Variants in COL9A3 observed in about 807,000 individuals in gnomAD.
COL9A3 encodes the protein collagen alpha-3(IX) chain.
Under a neutral mutation model 110.2 loss-of-function variants are expected in COL9A3, and 82 were observed. The ratio of observed to expected loss-of-function variants is 0.74; its 90% CI spans 0.62 to 0.89. The LOEUF (loss-of-function observed/expected upper bound fraction) is 0.89. Among genes scored for constraint, COL9A3 ranks in the 40% least tolerant of loss-of-function variants. The pLI is 0.00. For missense variants in COL9A3, 1,066 were observed against 981.3 expected (o/e 1.09, Z -1.15); for synonymous variants, 494 against 403.8 (o/e 1.22, Z -2.68).
intron 28 of COL9A3, 36 bp from the exon 29 acceptor site, chr20:62,836,442 G>T: frequency 6.2e-7 from 1 of 1,613,436 alleles, no homozygotes; most frequent in Non-Finnish European, 8.5e-7. Flanking sequence ...CGAGGCTGCC[G>T]CCCCCATGCT....
chr20:62,838,274 A>G (rs190487294), intron 30 of COL9A3, among the ~76,000 whole-genome samples: 1 of 152,218 alleles, frequency 6.6e-6, no homozygotes, highest in East Asian at 1.9e-4. Flanking sequence ...GGCCTCCTGC[A>G]CCCCTGGGCC....
intron 2 of COL9A3, 40 bp from the exon 3 acceptor site, chr20:62,818,478 C>G (rs1991008594): frequency 6.2e-7 from 1 of 1,603,718 alleles, no homozygotes; most frequent in South Asian, 1.1e-5. Flanking sequence ...TTGAGGGACC[C>G]CTGATTTTCA....
chr20:62,835,931 G>T lies in COL9A3; in HGVS notation c.1379G>T (p.Gly460Val). 6.2e-7 allele frequency: 1 copy of T among 1,614,220 alleles called. No individual in the cohort carries two copies. Among genetic ancestry groups the T allele is most frequent in the Non-Finnish European group, 8.5e-7 (1 of 1,180,046 alleles). ...CTTTTCTCTTCACAGGGTCCCAGCGGCCTGGTCGGACCCAAAGGAGAGGTG... is the reference window on the plus strand; with the variant it reads ...CTTTTCTCTTCACAGGGTCCCAGCGTCCTGGTCGGACCCAAAGGAGAGGTG... ...PGDKGELGPS[G>V]LVGPKGESGS... The change falls in exon 27 of 32, where the codon GGC (glycine) becomes GTC (valine). Residue 460 changes from glycine (G) to valine (V), a missense_variant. Transcript: ENST00000649368.
At chr20:62,839,566 C>CTCGCT (rs138506241) in intron 31 of COL9A3, among the ~76,000 whole-genome samples, 11,032 of 152,002 alleles carry the variant, frequency 0.073, 1,293 homozygotes, top group African/African-American at 0.25. Context: ...CGAGAAGGCA[C>CTCGCT]CCGCTCCCAC....
chr20:62,834,037 C>T lies in COL9A3; in HGVS notation c.1368+973C>T, dbSNP rs544302983. ...TACAGGCGCCTGCCACCACGCCCAG[C>T]TAATGTTTGTATTTTTAGTAGAGAC... On this transcript the variant is annotated intron_variant, in intron 26 of 31. Coordinates refer to ENST00000649368, the MANE Select transcript of COL9A3 (RefSeq NM_001853.4). Among the ~76,000 whole-genome samples, 3 of 152,240 alleles carry T rather than the reference C, an allele frequency of 2.0e-5. No individual in the cohort carries two copies. The South Asian group carries it at 6.2e-4, about 32-fold the overall frequency.
At chr20:62,837,331 G>C (rs998441140) in intron 30 of COL9A3, 66 bp downstream of exon 30, 3 of 1,538,194 alleles carry the variant, frequency 2.0e-6, no homozygotes, top group Non-Finnish European at 2.6e-6. Flanking sequence ...CTTGTTAGTA[G>C]GCGCTGCTTC....
At chr20:62,817,749 G>A (rs1386327070) in intron 2 of COL9A3, 114 bp downstream of exon 2, 4 of 736,540 alleles carry the variant, frequency 5.4e-6, no homozygotes, top group African/African-American at 1.8e-5. Flanking sequence ...TCCCAGAGCC[G>A]GGGTGACATC....
At position 62,820,857 on chromosome 20, in the gene COL9A3, A is replaced by G. The variant is rs35313722; in HGVS notation, c.310-324A>G. 0.21 allele frequency among the ~76,000 whole-genome samples: 32,473 copies of G among 152,160 alleles called. 3,679 individuals carry two copies. The highest frequency in any genetic ancestry group is 0.27 in the African/African-American group (11,315 of 41,498). ...TGACGTGGGCGGGGGCTGAGGACTC[A>G]GCAGGCTCCGTGGGTGGGTTATCGG... On this transcript the variant is annotated intron_variant, in intron 5 of 31. Transcript: ENST00000649368.
At chr20:62,818,976 C>T (rs1349749106) in intron 3 of COL9A3, among the ~76,000 whole-genome samples, 1 of 152,156 alleles carries the variant, frequency 6.6e-6, no homozygotes, top group Non-Finnish European at 1.5e-5. Flanking sequence ...GGTGACCAGA[C>T]GAAGGTCTTA....
intron 1 of COL9A3, 141 bp downstream of exon 1, chr20:62,817,283 G>A: frequency 3.3e-6 from 2 of 600,850 alleles, no homozygotes; most frequent in Non-Finnish European, 4.8e-6. Flanking sequence ...CCAGCGCCTC[G>A]GGATGAGCCC....
At chr20:62,818,450 T>C (rs567804235) in intron 2 of COL9A3, 68 bp from the exon 3 acceptor site, 119 of 1,490,386 alleles carry the variant, frequency 8.0e-5, no homozygotes, top group Non-Finnish European at 1.1e-4. Context: ...CGCTGCTCTT[T>C]TCCCCGAGGC....
At chr20:62,832,461 G>T (rs979923653) in intron 25 of COL9A3, among the ~76,000 whole-genome samples, 1 of 152,268 alleles carries the variant, frequency 6.6e-6, no homozygotes, top group Non-Finnish European at 1.5e-5. Context: ...TCCCTGCATG[G>T]CTCTGGGTGC....
rs1374902174 is a variant in COL9A3, at chr20:62,841,099, A to ATGAC, written c.*370_*373dup. 1 of 236,114 alleles carries ATGAC rather than the reference A, an allele frequency of 4.2e-6. No homozygotes were observed. Among genetic ancestry groups the ATGAC allele is most frequent in the African/African-American group, 2.3e-5 (1 of 43,190 alleles). The allele number at this position is 236,114 out of a possible 1,614,324, so 14.6% of individuals were successfully genotyped here. ...AATGATATATTAAACCTTCAGATTAATGACTGGCTACAGAGTAACAAAAAA... is the reference window on the plus strand; with the variant it reads ...AATGATATATTAAACCTTCAGATTAATGACTGACTGGCTACAGAGTAACAAAAAA... On this transcript the variant is annotated 3_prime_UTR_variant, in exon 32 of 32. Transcript: ENST00000649368.
At chr20:62,840,216 C>A (rs548555257) in intron 31 of COL9A3, among the ~76,000 whole-genome samples, 2 of 151,852 alleles carry the variant, frequency 1.3e-5, no homozygotes, top group South Asian at 2.1e-4. Flanking sequence ...CACAACCCCC[C>A]ACTCCGGGCC....
chr20:62,831,961 G>T, intron 24 of COL9A3, 193 bp from the exon 25 acceptor site: 1 of 673,322 alleles, frequency 1.5e-6, no homozygotes, highest in East Asian at 2.7e-5. Flanking sequence ...AGGCTGGACA[G>T]AGCCATCGGG....
At chr20:62,818,469 T>G in intron 2 of COL9A3, 49 bp from the exon 3 acceptor site, 1 of 1,585,704 alleles carries the variant, frequency 6.3e-7, no homozygotes, top group South Asian at 1.1e-5. Context: ...GCGGGGTTCT[T>G]GAGGGACCCC....
At chr20:62,826,966 G>A in intron 15 of COL9A3, 146 bp downstream of exon 15, 1 of 867,662 alleles carries the variant, frequency 1.2e-6, no homozygotes, top group Non-Finnish European at 1.8e-6. Flanking sequence ...CTTGTGGCAT[G>A]GGTACGGGGG....
intron 31 of COL9A3, 43 bp downstream of exon 31, chr20:62,838,804 T>C: frequency 7.0e-7 from 1 of 1,423,270 alleles, no homozygotes; most frequent in Non-Finnish European, 9.7e-7. Flanking sequence ...GTGACATCTC[T>C]TCCGCCATCT....
rs534448613 is a variant in COL9A3 at position 62,824,344 on chromosome 20, C to T, written c.520-101C>T. The T allele has an allele frequency of 3.9e-4, 496 of 1,257,776 alleles. 5 individuals are homozygous for T. The African/African-American group carries it at 6.4e-3, about 16-fold the overall frequency. 77.9% of individuals were successfully genotyped at this position (1,257,776 alleles called of 1,614,324 possible). On this transcript the variant is annotated intron_variant, in intron 10 of 31. Transcript: ENST00000649368. ...GAGTGGCCTCCCGGGGTCCCGTCAC[C>T]GTGCAGAGTGGCCTCCTGGGGTCCC...
Sources: gnomAD v4.1 joint callset for allele counts (sites outside exome capture counted in the v4.1 genomes callset) on GRCh38, gnomAD v4.1.1 for gene constraint, MANE v1.5 for transcripts, NCBI Gene and HGNC (gene_info 2026-07-23, HGNC 2026-07-21) for gene names.